The following NEBL variants were observed in gnomAD, a reference collection of about 807,000 sequenced individuals.
The protein encoded by NEBL is nebulette, also known as LIM and SH3 protein 2.
Under a neutral mutation model 140.2 loss-of-function variants are expected in NEBL, and 122 were observed. The ratio of observed to expected loss-of-function variants is 0.87; its 90% CI spans 0.75 to 1.01. The LOEUF (loss-of-function observed/expected upper bound fraction) is 1.01. Among genes scored for constraint, NEBL ranks in the 50% least tolerant of loss-of-function variants. NEBL has a pLI of 0.00. For synonymous variants in NEBL, 436 were observed against 398.9 expected (o/e 1.09, Z -1.11); for missense variants, 1,365 against 1,231.3 (o/e 1.11, Z -1.62).
In NEBL at chr10:21,030,664, AAT is replaced by A. The variant is rs377042319; in HGVS notation, c.165-10465_165-10464del. 5.2e-4 allele frequency: 265 copies of A among 507,428 alleles called. 4 individuals are homozygous for A. Among genetic ancestry groups the A allele is most frequent in the East Asian group, 2.9e-3 (62 of 21,180 alleles). 31.4% of individuals were successfully genotyped at this position (507,428 alleles called of 1,614,324 possible). A position where few individuals can be genotyped will look rare whatever the true frequency, so the allele number is the denominator to read the frequency against. ...AGATGAAAATAAAGTAGGTGTGGTG[AAT>A]GTCCCAAAAGACCACACTGGGAACT... On this transcript the variant is annotated intron_variant, in intron 2 of 6. Coordinates refer to the NEBL transcript ENST00000417816.
intron 3 of NEBL, among the ~76,000 whole-genome samples, chr10:21,189,194 C>T (rs991736241): frequency 6.6e-6 from 1 of 151,776 alleles, no homozygotes; most frequent in African/African-American, 2.4e-5. Context: ...TGGGTGGGCC[C>T]TAAATCAAAT....
intron 4 of NEBL, among the ~76,000 whole-genome samples, chr10:20,935,462 C>A (rs534077238): frequency 1.3e-4 from 20 of 152,124 alleles, no homozygotes; most frequent in Non-Finnish European, 2.8e-4. Flanking sequence ...CTGAGAACAC[C>A]CCCAAGAACA....
At chr10:21,209,302 AAC>A (rs1467608495) in intron 3 of NEBL, among the ~76,000 whole-genome samples, 5 of 152,216 alleles carry the variant, frequency 3.3e-5, no homozygotes, top group Non-Finnish European at 7.3e-5. Context: ...TGCCAGATAA[AAC>A]ACAGGACGTT....
intron 1 of NEBL, among the ~76,000 whole-genome samples, chr10:21,269,295 T>C (rs548362068): frequency 3.0e-4 from 46 of 152,216 alleles, no homozygotes; most frequent in African/African-American, 1.1e-3. Flanking sequence ...GCCAAAGAAA[T>C]TGGGCCCTCC....
chr10:21,100,497 T>C (rs1837431856), intron 2 of NEBL, among the ~76,000 whole-genome samples: 1 of 152,196 alleles, frequency 6.6e-6, no homozygotes, highest in Non-Finnish European at 1.5e-5. Flanking sequence ...AAAGCATGGC[T>C]CTGAGGATGA....
chr10:21,089,991 C>T (rs1836836930), intron 2 of NEBL, among the ~76,000 whole-genome samples: 3 of 152,046 alleles, frequency 2.0e-5, no homozygotes, highest in Admixed American at 2.0e-4. Flanking sequence ...TGATGACTCC[C>T]CGGTTTGTAT....
chr10:21,112,639 A>G (rs528613633), intron 2 of NEBL: 1 of 152,586 alleles, frequency 6.6e-6, no homozygotes, highest in East Asian at 1.9e-4. Context: ...CCTAATGTAA[A>G]TGACGAGTTG....
intron 1 of NEBL, among the ~76,000 whole-genome samples, chr10:21,257,610 G>A (rs1842675291): frequency 1.3e-5 from 2 of 152,192 alleles, no homozygotes; most frequent in African/African-American, 4.8e-5. Flanking sequence ...AAAACGCCGT[G>A]CATGGTGGCT....
chr10:20,917,665 T>C (rs958337845), intron 4 of NEBL, among the ~76,000 whole-genome samples: 1 of 152,218 alleles, frequency 6.6e-6, no homozygotes, highest in Non-Finnish European at 1.5e-5. Flanking sequence ...CCAAGTTCAA[T>C]TAAAACAGGA....
chr10:20,899,466 C>T, upstream of NEBL: 1 of 1,285,446 alleles, frequency 7.8e-7, no homozygotes. Flanking sequence ...AGAAAATAAG[C>T]TGTTGAGATT....
intron 2 of NEBL, among the ~76,000 whole-genome samples, chr10:21,090,517 G>A (rs1473478419): frequency 2.0e-5 from 3 of 152,282 alleles, no homozygotes; most frequent in Admixed American, 6.5e-5. Flanking sequence ...GGGACTTGAT[G>A]TTCTGGAACC....
chr10:21,292,878 G>A (rs1843164097), exon 1 of NEBL, among the ~76,000 whole-genome samples: 1 of 152,164 alleles, frequency 6.6e-6, no homozygotes, highest in Admixed American at 6.5e-5. Context: ...AGGAATTCCA[G>A]AATCAAAGAG....
intron 2 of NEBL, chr10:21,020,301 A>G (rs1413232859): frequency 9.8e-7 from 1 of 1,017,054 alleles, no homozygotes; most frequent in Non-Finnish European, 1.5e-6. Flanking sequence ...TCCCAACCCC[A>G]TCACAGTGGA....
intron 2 of NEBL, among the ~76,000 whole-genome samples, chr10:21,169,367 T>A (rs529592364): frequency 6.6e-6 from 1 of 152,154 alleles, no homozygotes; most frequent in East Asian, 1.9e-4. Context: ...TTTCATTTTC[T>A]GGTAGCAGTA....
At chr10:21,043,004 G>T (rs1025334263) in intron 2 of NEBL, among the ~76,000 whole-genome samples, 13 of 152,158 alleles carry the variant, frequency 8.5e-5, no homozygotes, top group African/African-American at 3.1e-4. Context: ...AAGGAGAGAA[G>T]GTGGAAAAGT....
At chr10:20,980,309 T>C (rs1836982392) in intron 3 of NEBL, among the ~76,000 whole-genome samples, 1 of 141,626 alleles carries the variant, frequency 7.1e-6, no homozygotes, top group African/African-American at 2.9e-5. Context: ...TTCAGAAACA[T>C]AAAAAAGTTT....
At chr10:21,140,039 T>C (rs1038081309) in intron 2 of NEBL, among the ~76,000 whole-genome samples, 2 of 150,854 alleles carry the variant, frequency 1.3e-5, no homozygotes, top group African/African-American at 4.9e-5. Context: ...CAGGTGCCTG[T>C]AATCCCAGCT....
chr10:21,264,179 T>A (rs1842772140), intron 1 of NEBL, among the ~76,000 whole-genome samples: 1 of 152,196 alleles, frequency 6.6e-6, no homozygotes, highest in South Asian at 2.1e-4. Flanking sequence ...GCATATCCAC[T>A]TCACACTGTG....
chr10:21,036,889 C>G (rs928139852), intron 2 of NEBL, among the ~76,000 whole-genome samples: 3 of 152,084 alleles, frequency 2.0e-5, no homozygotes, highest in Non-Finnish European at 4.4e-5. Flanking sequence ...ACTACTCAAG[C>G]GTAGAATATT....
Sources: gnomAD v4.1 joint callset for allele counts (sites outside exome capture counted in the v4.1 genomes callset) on GRCh38, gnomAD v4.1.1 for gene constraint, MANE v1.5 for transcripts, NCBI Gene and HGNC (gene_info 2026-07-23, HGNC 2026-07-21) for gene names.